The following INPP4B variants were observed in gnomAD, a reference collection of about 807,000 sequenced individuals.
The protein encoded by INPP4B is inositol polyphosphate-4-phosphatase type II B.
INPP4B carries 55 observed loss-of-function variants against 122.5 expected under a neutral mutation model. That is an observed-to-expected ratio of 0.45 (90% CI 0.36 to 0.56). The LOEUF (loss-of-function observed/expected upper bound fraction) is 0.56, where lower values mean the gene tolerates loss of function less well. INPP4B is among the 20% of genes least tolerant of loss of function. The pLI is 0.00. For missense variants in INPP4B, 1,000 were observed against 1,097.7 expected, an observed-to-expected ratio of 0.91 and a Z score of 1.26; for synonymous variants, 403 against 388.7, an observed-to-expected ratio of 1.04 and a Z score of -0.43.
intron 14 of INPP4B, among the ~76,000 whole-genome samples, chr4:142,207,712 A>C (rs1843130881): frequency 6.6e-6 from 1 of 152,174 alleles, no homozygotes; most frequent in Non-Finnish European, 1.5e-5. Context: ...GACTTTTGCC[A>C]GCAAACCAGG....
intron 25 of INPP4B, chr4:142,030,063 C>T: frequency 7.0e-7 from 1 of 1,424,580 alleles, no homozygotes. Context: ...AATATTACAG[C>T]ATTGTCCCCA....
intron 7 of INPP4B, among the ~76,000 whole-genome samples, chr4:142,342,210 A>T (rs1778922118): frequency 6.6e-6 from 1 of 152,154 alleles, no homozygotes; most frequent in African/African-American, 2.4e-5. Context: ...AGCACTAGGA[A>T]ATTGGTAGTA....
chr4:142,509,588 T>C (rs1014662677), intron 2 of INPP4B, among the ~76,000 whole-genome samples: 14 of 152,332 alleles, frequency 9.2e-5, no homozygotes, highest in African/African-American at 3.4e-4. Context: ...TAGTACTCCA[T>C]GGTGTATATG....
chr4:142,184,176 T>C (rs1327827560), intron 15 of INPP4B, among the ~76,000 whole-genome samples: 2 of 152,298 alleles, frequency 1.3e-5, no homozygotes, highest in East Asian at 3.9e-4. Context: ...CAGATCATTC[T>C]TTGCCTCACA....
At position 142,028,065 on chromosome 4, in the gene INPP4B, T is replaced by A; in HGVS notation, c.*717A>T. 4.5e-6 allele frequency: 1 copy of A among 222,664 alleles called. No homozygotes were observed. Among genetic ancestry groups the A allele is most frequent in the Non-Finnish European group, 9.0e-6 (1 of 111,344 alleles). 13.8% of individuals were successfully genotyped at this position (222,664 alleles called of 1,614,324 possible). A position where few individuals can be genotyped will look rare whatever the true frequency, so the allele number is the denominator to read the frequency against. On this transcript the variant is annotated 3_prime_UTR_variant, in exon 26 of 26. Coordinates refer to ENST00000262992, the MANE Select transcript of INPP4B (RefSeq NM_001101669.3). ...GATCATTGCAGTGTTTTGCTTATCA[T>A]TCTATTAAACGTTCTATATTGCTAC...
rs551538025 is a variant in INPP4B at position 142,275,416 on chromosome 4, T to C, written c.504-4642A>G. On this transcript the variant is annotated intron_variant, in intron 9 of 25. Transcript: ENST00000262992. The stretch of plus-strand genomic sequence containing the variant: ...CTTTGTGAATATAAAGTAGTTCTGG[T>C]ACTATGCACAGGAGTCTTCAGCTAG... Among the ~76,000 whole-genome samples the C allele has an allele frequency of 1.3e-4, 19 of 151,886 alleles. No individual in the cohort carries two copies. In the East Asian group the frequency reaches 3.7e-3, roughly 29 times the overall value.
chr4:142,108,546 T>G (rs1248468690), intron 22 of INPP4B, among the ~76,000 whole-genome samples: 3 of 152,098 alleles, frequency 2.0e-5, no homozygotes, highest in Admixed American at 2.0e-4. Flanking sequence ...TTTAAAAAAC[T>G]TTTCTTACTA....
At chr4:142,808,490 G>C (rs897221793) in intron 1 of INPP4B, among the ~76,000 whole-genome samples, 1 of 152,108 alleles carries the variant, frequency 6.6e-6, no homozygotes, top group Non-Finnish European at 1.5e-5. Context: ...AATCTCAGCT[G>C]TACTTCCCAC....
At chr4:142,342,721 T>C (rs1779088435) in intron 7 of INPP4B, among the ~76,000 whole-genome samples, 1 of 152,142 alleles carries the variant, frequency 6.6e-6, no homozygotes, top group South Asian at 2.1e-4. Flanking sequence ...ACTTCATAAA[T>C]TTTGTATAAA....
intron 12 of INPP4B, among the ~76,000 whole-genome samples, chr4:142,225,400 A>C (rs1851098457): frequency 6.6e-6 from 1 of 151,994 alleles, no homozygotes; most frequent in African/African-American, 2.4e-5. Context: ...ATTTGCAGAC[A>C]GCCTATTGTG....
intron 9 of INPP4B, among the ~76,000 whole-genome samples, chr4:142,294,349 G>T (rs1757655234): frequency 6.6e-6 from 1 of 151,984 alleles, no homozygotes; most frequent in Non-Finnish European, 1.5e-5. Flanking sequence ...ATGATGGAAA[G>T]ACAGTCATTG....
At chr4:142,253,201 G>T (rs1733371126) in intron 11 of INPP4B, among the ~76,000 whole-genome samples, 1 of 152,174 alleles carries the variant, frequency 6.6e-6, no homozygotes, top group Admixed American at 6.5e-5. Flanking sequence ...CTAGAAGAAG[G>T]TGCTCTGGAT....
chr4:142,824,928 G>A (rs1243957128), intron 1 of INPP4B, among the ~76,000 whole-genome samples: 3 of 151,876 alleles, frequency 2.0e-5, no homozygotes, highest in Non-Finnish European at 4.4e-5. Flanking sequence ...AAAGTGTTGA[G>A]GACTTTTTTT....
At chr4:142,134,822 A>G (rs1446234523) in intron 18 of INPP4B, among the ~76,000 whole-genome samples, 1 of 148,684 alleles carries the variant, frequency 6.7e-6, no homozygotes, top group Admixed American at 6.7e-5. Context: ...AAAAAAAAAA[A>G]AGTTGTTTTA....
At chr4:142,801,356 C>T (rs1777986675) in intron 1 of INPP4B, among the ~76,000 whole-genome samples, 3 of 152,100 alleles carry the variant, frequency 2.0e-5, no homozygotes. Flanking sequence ...TTTAGAAAGG[C>T]AGTTAGGTTA....
intron 5 of INPP4B, among the ~76,000 whole-genome samples, chr4:142,422,386 G>A (rs1171982633): frequency 6.6e-6 from 1 of 152,070 alleles, no homozygotes; most frequent in Non-Finnish European, 1.5e-5. Context: ...CATAATAGAT[G>A]CTGAAAAAAT....
At chr4:142,516,770 T>G (rs72948719) in intron 2 of INPP4B, among the ~76,000 whole-genome samples, 7,943 of 151,932 alleles carry the variant, frequency 0.052, 259 homozygotes, top group Admixed American at 0.077. Context: ...GTTTTGTTTT[T>G]TTTTTTCCCC....
At chr4:142,337,647 T>TA (rs1416342715) in intron 7 of INPP4B, among the ~76,000 whole-genome samples, 1 of 143,844 alleles carries the variant, frequency 7.0e-6, no homozygotes, top group Non-Finnish European at 1.5e-5. Context: ...ATTTATCTCA[T>TA]CTTAATTTGT....
chr4:142,333,312 A>C (rs1775399608), intron 7 of INPP4B, among the ~76,000 whole-genome samples: 1 of 152,204 alleles, frequency 6.6e-6, no homozygotes, highest in African/African-American at 2.4e-5. Context: ...ATTAGAATTC[A>C]GAATTAGAAT....
Sources: allele counts gnomAD v4.1 joint callset (sites outside exome capture counted in the v4.1 genomes callset), GRCh38; gene constraint gnomAD v4.1.1; transcripts MANE v1.5; gene names NCBI Gene and HGNC (gene_info 2026-07-23, HGNC 2026-07-21).